RNF13: variants seen among roughly 807,000 people sequenced by gnomAD.
RNF13 encodes the protein E3 ubiquitin-protein ligase RNF13.
Under a neutral mutation model 37.7 loss-of-function variants are expected in RNF13, and 19 were observed. The ratio of observed to expected loss-of-function variants is 0.50; its 90% CI spans 0.35 to 0.74. RNF13 has a LOEUF of 0.74. Ranked by LOEUF, RNF13 falls within the 30% of genes least tolerant of loss-of-function variation. The probability of loss-of-function intolerance (pLI) is 0.01; values close to 1 mark genes in which losing one functional copy is unlikely to be tolerated. For missense variants in RNF13, 375 were observed against 453.0 expected (o/e 0.83, Z 1.56); for synonymous variants, 144 against 157.8 (o/e 0.91, Z 0.65).
chr3:149,862,933 A>T (rs575915225), intron 3 of RNF13, among the ~76,000 whole-genome samples: 1 of 152,338 alleles, frequency 6.6e-6, no homozygotes, highest in East Asian at 1.9e-4. Context: ...ATAATTCATT[A>T]TATTTTACAT....
intron 8 of RNF13, among the ~76,000 whole-genome samples, chr3:149,922,455 G>A (rs879493256): frequency 6.6e-5 from 10 of 152,182 alleles, no homozygotes; most frequent in Admixed American, 2.0e-4. Flanking sequence ...AGTCTGCAGA[G>A]AATTTAAAAA....
At chr3:149,919,248 T>C (rs772502333) in intron 7 of RNF13, among the ~76,000 whole-genome samples, 1 of 152,218 alleles carries the variant, frequency 6.6e-6, no homozygotes, top group Non-Finnish European at 1.5e-5. Flanking sequence ...CTTATGCATA[T>C]GTATATCACA....
rs774399907 is a variant in RNF13, at chr3:149,871,997, CAG to C, written c.196-26_196-25del. 170 of 1,557,500 alleles carry C rather than the reference CAG, an allele frequency of 1.1e-4. No homozygotes were observed. In the African/African-American group the frequency reaches 1.3e-3, roughly 12 times the overall value. The stretch of plus-strand genomic sequence containing the variant: ...AAGTTGATTGATTTACTGAGTGAAA[CAG>C]AGAGATAATTTTTACCAATTCTTTT... On this transcript the variant is annotated intron_variant, in intron 3 of 9. Coordinates refer to ENST00000392894, the MANE Select transcript of RNF13 (RefSeq NM_183381.3).
At chr3:149,939,809 A>C (rs1720076540) in intron 8 of RNF13, 2 of 562,654 alleles carry the variant, frequency 3.6e-6, no homozygotes, top group Non-Finnish European at 6.9e-6. Context: ...GGGTGGTGAC[A>C]CGCACTTAGG....
intron 3 of RNF13, among the ~76,000 whole-genome samples, chr3:149,864,925 C>T (rs188801454): frequency 2.6e-5 from 4 of 151,986 alleles, no homozygotes; most frequent in East Asian, 3.9e-4. Context: ...CTTTTAATGT[C>T]GAGGTCACTA....
intron 8 of RNF13, among the ~76,000 whole-genome samples, chr3:149,948,253 C>T (rs1035957152): frequency 1.3e-5 from 2 of 152,032 alleles, no homozygotes; most frequent in African/African-American, 2.4e-5. Context: ...CTGGTCCCCA[C>T]GTGTTTTTAG....
chr3:149,887,582 G>A (rs58797897), intron 4 of RNF13, among the ~76,000 whole-genome samples: 2,591 of 152,296 alleles, frequency 0.017, 79 homozygotes, highest in African/African-American at 0.058. Context: ...TTACAGGCAT[G>A]AGCCACCATG....
intron 3 of RNF13, among the ~76,000 whole-genome samples, chr3:149,867,521 T>C (rs1711514465): frequency 6.6e-6 from 1 of 151,770 alleles, no homozygotes. Context: ...TGCCTCGGCC[T>C]CCCAAAGTGC....
intron 1 of RNF13, among the ~76,000 whole-genome samples, chr3:149,841,100 T>A (rs1193021251): frequency 6.6e-6 from 1 of 152,236 alleles, no homozygotes; most frequent in Admixed American, 6.5e-5. Flanking sequence ...TTTAGTTAAC[T>A]TACAGTCTTT....
At chr3:149,945,071 T>C (rs1720636356) in intron 8 of RNF13, among the ~76,000 whole-genome samples, 1 of 152,246 alleles carries the variant, frequency 6.6e-6, no homozygotes, top group Admixed American at 6.5e-5. Flanking sequence ...TAGGGAATCC[T>C]TTCCTCATTT....
intron 1 of RNF13, among the ~76,000 whole-genome samples, chr3:149,843,674 C>T (rs1722378315): frequency 6.6e-6 from 1 of 152,204 alleles, no homozygotes; most frequent in Non-Finnish European, 1.5e-5. Flanking sequence ...AGAAGCTGTA[C>T]TTTACTCTTC....
chr3:149,920,892 C>T (rs1035874156), intron 7 of RNF13, among the ~76,000 whole-genome samples: 28 of 148,938 alleles, frequency 1.9e-4, no homozygotes, highest in African/African-American at 6.7e-4. Flanking sequence ...ATAATGTCTC[C>T]GTAGGTAATT....
Position 149,930,766 on chromosome 3 carries a change from G to A in RNF13, c.700+9539G>A, listed in dbSNP as rs184810329. Among the ~76,000 whole-genome samples the A allele has an allele frequency of 5.7e-4, 86 of 152,212 alleles. 1 individual carries two copies. In the East Asian group the frequency reaches 0.014, roughly 25 times the overall value. ...AGACCTAGGCCTATTCAGATTGTAC[G>A]TTTCTTTTTGTGTGGCTTTCGGCAG... On this transcript the variant is annotated intron_variant, in intron 8 of 9. Transcript: ENST00000392894.
At chr3:149,941,009 G>A (rs578145525) in intron 8 of RNF13, among the ~76,000 whole-genome samples, 2 of 152,132 alleles carry the variant, frequency 1.3e-5, no homozygotes, top group Non-Finnish European at 2.9e-5. Context: ...CACCTATGTT[G>A]TGGCATGTGA....
intron 3 of RNF13, among the ~76,000 whole-genome samples, chr3:149,866,285 G>C (rs1160176883): frequency 2.0e-5 from 3 of 152,180 alleles, no homozygotes; most frequent in Non-Finnish European, 2.9e-5. Context: ...GCTGCTGGTT[G>C]CCCATTTTTA....
At chr3:149,820,091 TTTGATGTAAGAGAGCTC>T (rs1388321696) in intron 1 of RNF13, among the ~76,000 whole-genome samples, 1 of 152,210 alleles carries the variant, frequency 6.6e-6, no homozygotes, top group African/African-American at 2.4e-5. Flanking sequence ...TGTTTTGCGC[TTTGATGTAAGAGAGCTC>T]TTGGTCAGCT....
At chr3:149,853,491 AGAGAGAGAG>A (rs1274495414) in intron 3 of RNF13, among the ~76,000 whole-genome samples, 14 of 148,606 alleles carry the variant, frequency 9.4e-5, no homozygotes, top group Non-Finnish European at 1.5e-5. Context: ...AGAGAGAGAG[AGAGAGAGAG>A]AATGGACTAT....
intron 3 of RNF13, among the ~76,000 whole-genome samples, chr3:149,859,145 T>A (rs1723963919): frequency 6.6e-6 from 1 of 152,194 alleles, no homozygotes; most frequent in Non-Finnish European, 1.5e-5. Flanking sequence ...CTCACCCTTA[T>A]GTTACAGTAT....
chr3:149,856,769 C>T lies in RNF13; in HGVS notation c.195+4173C>T, dbSNP rs1348277871. On this transcript the variant is annotated intron_variant, in intron 3 of 9. Coordinates refer to ENST00000392894, the MANE Select transcript of RNF13 (RefSeq NM_183381.3). ...AAATATCTTACTTTTTTTATTGAGA[C>T]GGAGTCTCACTCTGTCGCCCAGGCT... is the stretch of plus-strand genomic sequence containing the variant. Among the ~76,000 whole-genome samples, 13 of 152,140 alleles carry T rather than the reference C, an allele frequency of 8.5e-5. 1 individual carries two copies. Among genetic ancestry groups the T allele is most frequent in the South Asian group, 2.1e-4 (1 of 4,822 alleles).
Sources: gnomAD v4.1 joint callset for allele counts (sites outside exome capture counted in the v4.1 genomes callset) on GRCh38, gnomAD v4.1.1 for gene constraint, MANE v1.5 for transcripts, NCBI Gene and HGNC (gene_info 2026-07-23, HGNC 2026-07-21) for gene names.